Variants in BMPR1A observed in about 807,000 individuals in gnomAD.
The protein encoded by BMPR1A is bone morphogenetic protein receptor type-1A.
BMPR1A carries 7 observed loss-of-function variants against 66.0 expected under a neutral mutation model. That is an observed-to-expected ratio of 0.11 (90% CI 0.06 to 0.20). The LOEUF is 0.20. Among genes scored for constraint, BMPR1A ranks in the 10% least tolerant of loss-of-function variants. The probability of loss-of-function intolerance (pLI) is 1.00; values close to 1 mark genes in which losing one functional copy is unlikely to be tolerated. For synonymous variants in BMPR1A, 200 were observed against 229.7 expected (o/e 0.87, Z 1.17); for missense variants, 408 against 669.1 (o/e 0.61, Z 4.31).
chr10:86,859,533 G>T (rs546781011), intron 2 of BMPR1A, among the ~76,000 whole-genome samples: 2 of 152,184 alleles, frequency 1.3e-5, no homozygotes, highest in African/African-American at 4.8e-5. Context: ...TTATTGAAAA[G>T]AAGAGACCGG....
rs913614233 is a variant in BMPR1A, at chr10:86,801,895, T to C, written c.-267-36970T>C. 1.7e-4 allele frequency among the ~76,000 whole-genome samples: 26 copies of C among 152,068 alleles called. 1 individual carries two copies. Among genetic ancestry groups the C allele is most frequent in the African/African-American group, 5.8e-4 (24 of 41,398 alleles). ...GCCCGGCTAATTTTTTGTACTTTTT[T>C]AGTAGAGACGGAGTTTCATCATGTT... On this transcript the variant is annotated intron_variant, in intron 1 of 12. Transcript: ENST00000372037.
chr10:86,863,757 CT>C (rs1465781541), intron 2 of BMPR1A, among the ~76,000 whole-genome samples: 1 of 152,032 alleles, frequency 6.6e-6, no homozygotes, highest in African/African-American at 2.4e-5. Flanking sequence ...CGCCCCTGAA[CT>C]TTTTGTGGCA....
Position 86,833,609 on chromosome 10 carries a change from A to G in BMPR1A, c.-267-5256A>G, listed in dbSNP as rs768991717. On this transcript the variant is annotated intron_variant, in intron 1 of 12. Transcript: ENST00000372037. ...AGCCAAAAAGTGACTGCCGGTACAT[A>G]AACAGATTTTGTGCTGGTGGTTGAT... 3.3e-4 allele frequency among the ~76,000 whole-genome samples: 51 copies of G among 152,256 alleles called. 1 individual carries two copies. Among genetic ancestry groups the G allele is most frequent in the Middle Eastern group, 6.8e-3 (2 of 294 alleles).
intron 1 of BMPR1A, among the ~76,000 whole-genome samples, chr10:86,770,617 C>A (rs1349449529): frequency 6.6e-6 from 1 of 152,176 alleles, no homozygotes. Context: ...TCTCCTCCCT[C>A]CCCTATTCAT....
chr10:86,786,159 CA>C (rs1337546169), intron 1 of BMPR1A, among the ~76,000 whole-genome samples: 1 of 152,116 alleles, frequency 6.6e-6, no homozygotes, highest in Non-Finnish European at 1.5e-5. Context: ...TAGCCAGGGC[CA>C]AAACCTGCAC....
intron 7 of BMPR1A, among the ~76,000 whole-genome samples, chr10:86,910,400 G>A (rs1412656042): frequency 6.6e-6 from 1 of 152,142 alleles, no homozygotes; most frequent in East Asian, 1.9e-4. Context: ...CAGCTATACA[G>A]TGGAATACTA....
intron 1 of BMPR1A, among the ~76,000 whole-genome samples, chr10:86,835,283 T>C (rs1842325606): frequency 6.9e-6 from 1 of 144,946 alleles, no homozygotes; most frequent in Non-Finnish European, 1.5e-5. Flanking sequence ...AACAAACAAG[T>C]GTCCAGGAGT....
chr10:86,932,309 C>A (rs1327202385), downstream of BMPR1A: 1 of 152,180 alleles, frequency 6.6e-6, no homozygotes, highest in African/African-American at 2.4e-5. Context: ...CACATTGATA[C>A]AATAGCAATG....
At chr10:86,799,514 T>TCCTTCCTTCCTTC (rs1564688865) in intron 1 of BMPR1A, among the ~76,000 whole-genome samples, 9 of 137,186 alleles carry the variant, frequency 6.6e-5, no homozygotes, top group Non-Finnish European at 1.1e-4. Context: ...TCCTTTCTTT[T>TCCTTCCTTCCTTC]CTTTTCTTTT....
intron 1 of BMPR1A, among the ~76,000 whole-genome samples, chr10:86,829,725 C>G (rs1241901598): frequency 6.6e-6 from 1 of 152,230 alleles, no homozygotes; most frequent in African/African-American, 2.4e-5. Flanking sequence ...TCCTTGAGAT[C>G]TATCCAAGTT....
chr10:86,909,608 G>GA (rs1843447856), intron 7 of BMPR1A, among the ~76,000 whole-genome samples: 1 of 147,492 alleles, frequency 6.8e-6, no homozygotes, highest in Non-Finnish European at 1.5e-5. Context: ...AGAAAAAAAA[G>GA]AAAAAAGAAT....
At chr10:86,792,063 C>CTTTT (rs35251758) in intron 1 of BMPR1A, among the ~76,000 whole-genome samples, 7 of 83,628 alleles carry the variant, frequency 8.4e-5, no homozygotes, top group Non-Finnish European at 1.4e-4. Flanking sequence ...ACTGTCAGAT[C>CTTTT]TTTTTTTTTT....
In BMPR1A at chr10:86,825,803, T is replaced by C. The variant is rs369452822; in HGVS notation, c.-267-13062T>C. ...TTCATTCAACTTGTAATTCACAATT[T>C]CCAGAAAAAAAGTTTTAAAATTACT... On this transcript the variant is annotated intron_variant, in intron 1 of 12. Transcript: ENST00000372037. 5.9e-5 allele frequency among the ~76,000 whole-genome samples: 9 copies of C among 152,130 alleles called. No individual in the cohort carries two copies. The East Asian group carries it at 1.2e-3, about 19-fold the overall frequency.
At chr10:86,931,313 A>ATATATATATATATATATATATT (rs368438719), downstream of BMPR1A, 2 of 133,042 alleles carry the variant, frequency 1.5e-5, no homozygotes, top group African/African-American at 6.2e-5. Context: ...ATATATATAT[A>ATATATATATATATATATATATT]TTCAAGCAAT....
chr10:86,781,857 C>CTTTTTTTTTTTTTTTTT (rs1162095658), intron 1 of BMPR1A, among the ~76,000 whole-genome samples: 1 of 84,226 alleles, frequency 1.2e-5, no homozygotes, highest in Non-Finnish European at 2.2e-5. Flanking sequence ...GACAGGATTT[C>CTTTTTTTTTTTTTTTTT]TTTTTTTTTT....
intron 2 of BMPR1A, chr10:86,855,202 C>G: frequency 2.8e-6 from 2 of 710,524 alleles, no homozygotes; most frequent in Non-Finnish European, 4.2e-6. Flanking sequence ...CCACACCCTG[C>G]GTCGCTAAGT....
intron 10 of BMPR1A, among the ~76,000 whole-genome samples, chr10:86,920,667 A>T (rs1437799730): frequency 1.3e-5 from 2 of 152,174 alleles, no homozygotes; most frequent in Non-Finnish European, 2.9e-5. Flanking sequence ...CAGTATGATC[A>T]TGTAAACATT....
At chr10:86,802,474 G>A (rs185121745) in intron 1 of BMPR1A, among the ~76,000 whole-genome samples, 10 of 152,254 alleles carry the variant, frequency 6.6e-5, no homozygotes, top group African/African-American at 2.4e-4. Flanking sequence ...GAATGACTAT[G>A]ATGTAAAGGA....
intron 10 of BMPR1A, among the ~76,000 whole-genome samples, chr10:86,920,050 G>A (rs928651580): frequency 3.3e-5 from 5 of 152,148 alleles, no homozygotes; most frequent in African/African-American, 9.7e-5. Context: ...CAGATGCAGA[G>A]TTTTCCATAT....
Sources: gnomAD v4.1 joint callset for allele counts (sites outside exome capture counted in the v4.1 genomes callset) on GRCh38, gnomAD v4.1.1 for gene constraint, MANE v1.5 for transcripts, NCBI Gene and HGNC (gene_info 2026-07-23, HGNC 2026-07-21) for gene names.